Variants in F13A1 observed in about 807,000 individuals in gnomAD.
The protein encoded by F13A1 is coagulation factor XIII A chain.
A neutral mutation model predicts 80.1 loss-of-function variants in F13A1; 47 were observed. The ratio of observed to expected loss-of-function variants is 0.59; its 90% CI spans 0.46 to 0.75. The LOEUF (loss-of-function observed/expected upper bound fraction) is 0.75, where lower values mean the gene tolerates loss of function less well. Among genes scored for constraint, F13A1 ranks in the 30% least tolerant of loss-of-function variants. The probability of loss-of-function intolerance (pLI) is 0.00; values close to 1 mark genes in which losing one functional copy is unlikely to be tolerated. For synonymous variants in F13A1, 349 were observed against 344.9 expected, an observed-to-expected ratio of 1.01 and a Z score of -0.13; for missense variants, 817 against 930.4, an observed-to-expected ratio of 0.88 and a Z score of 1.59.
At chr6:6,206,117 G>A (rs185959143) in intron 8 of F13A1, among the ~76,000 whole-genome samples, 97 of 152,252 alleles carry the variant, frequency 6.4e-4, no homozygotes, top group Middle Eastern at 3.4e-3. Context: ...TTATTGAAAA[G>A]GGTTAAAAGA....
chr6:6,195,823 A>G lies in F13A1; in HGVS notation c.1279T>C (p.Phe427Leu), dbSNP rs1263527621. The G allele has an allele frequency of 1.2e-6, 2 of 1,614,048 alleles. No individual in the cohort carries two copies. Among genetic ancestry groups the G allele is most frequent in the Non-Finnish European group, 1.7e-6 (2 of 1,180,018 alleles). ...AIKHGHVCFQ[F>L]DAPFVFAEVN... ...TCTGCAAAAACAAAAGGTGCATCAA[A>G]TTGGAAGCAGACATGGCCGTGCTTG... is the stretch of plus-strand genomic sequence containing the variant. The change falls in exon 10 of 15, where the codon TTT (phenylalanine) becomes CTT (leucine). Residue 427 changes from phenylalanine (F) to leucine (L), a missense_variant. By Grantham distance (22) the Phe-to-Leu change is conservative. Coordinates refer to ENST00000264870, the MANE Select transcript of F13A1 (RefSeq NM_000129.4).
intron 8 of F13A1, 25 bp from the exon 9 acceptor site, chr6:6,197,351 G>A (rs368366068): frequency 6.2e-7 from 1 of 1,603,258 alleles, no homozygotes; most frequent in Non-Finnish European, 8.5e-7. Context: ...GCCCAGAAAG[G>A]TTAAACTTCC....
At chr6:6,286,068 T>C (rs1055508087) in intron 3 of F13A1, among the ~76,000 whole-genome samples, 1 of 151,998 alleles carries the variant, frequency 6.6e-6, no homozygotes, top group African/African-American at 2.4e-5. Context: ...ATCACAGGAG[T>C]AGGGACGCAA....
intron 8 of F13A1, among the ~76,000 whole-genome samples, chr6:6,210,480 GACTACA>G (rs1187568825): frequency 8.4e-5 from 2 of 23,806 alleles, no homozygotes; most frequent in East Asian, 2.9e-3. Flanking sequence ...GAGTAGCTGG[GACTACA>G]GGCACCTGCC....
At chr6:6,151,173 C>A (rs778755529) in intron 14 of F13A1, among the ~76,000 whole-genome samples, 1 of 152,066 alleles carries the variant, frequency 6.6e-6, no homozygotes, top group Non-Finnish European at 1.5e-5. Flanking sequence ...TTTGAAGTGG[C>A]CTGTGTGTGG....
intron 2 of F13A1, among the ~76,000 whole-genome samples, chr6:6,306,583 C>A (rs1758515603): frequency 6.6e-6 from 1 of 152,214 alleles, no homozygotes; most frequent in South Asian, 2.1e-4. Context: ...TCCCTGTCCT[C>A]ACTGTACTTT....
chr6:6,311,249 C>G (rs1039647393), intron 2 of F13A1, among the ~76,000 whole-genome samples: 1 of 152,100 alleles, frequency 6.6e-6, no homozygotes, highest in African/African-American at 2.4e-5. Context: ...TAGAGTTGAT[C>G]ATTCATTTCA....
chr6:6,293,106 T>C (rs1758246404), intron 3 of F13A1, among the ~76,000 whole-genome samples: 1 of 152,050 alleles, frequency 6.6e-6, no homozygotes. Context: ...GAGGGAAAGG[T>C]CAGGAGAATC....
chr6:6,195,734 T>C, intron 10 of F13A1, 63 bp downstream of exon 10: 1 of 1,458,994 alleles, frequency 6.9e-7, no homozygotes, highest in African/African-American at 1.4e-5. Flanking sequence ...ACTTTTAGCT[T>C]ACTCTTTCAT....
intron 3 of F13A1, among the ~76,000 whole-genome samples, chr6:6,300,596 T>C (rs1333637013): frequency 6.6e-6 from 1 of 152,148 alleles, no homozygotes; most frequent in South Asian, 2.1e-4. Flanking sequence ...TCGCCCTGCT[T>C]CGGCTCGCGC....
At position 6,305,547 on chromosome 6, in the gene F13A1, C is replaced by T. The variant is rs2113184353; in HGVS notation, c.131-8G>A. On this transcript the variant is annotated splice_polypyrimidine_tract_variant and splice_region_variant and intron_variant, in intron 2 of 14. Coordinates refer to ENST00000264870, the MANE Select transcript of F13A1 (RefSeq NM_000129.4). ...TCGTGACATTAAGAAACTCTATGAA[C>T]AAGAAAAACAAGGGTTGAAGAAAAT... is the stretch of plus-strand genomic sequence containing the variant. 1.9e-6 allele frequency: 3 copies of T among 1,613,748 alleles called. No homozygotes were observed. In the East Asian group the frequency reaches 6.7e-5, roughly 36 times the overall value.
intron 10 of F13A1, among the ~76,000 whole-genome samples, chr6:6,195,079 G>A (rs1234432748): frequency 6.6e-6 from 1 of 152,206 alleles, no homozygotes; most frequent in Non-Finnish European, 1.5e-5. Context: ...TCCTAGGCCG[G>A]CAGCCCAGCC....
At chr6:6,305,003 A>G in intron 3 of F13A1, 2 of 381,002 alleles carry the variant, frequency 5.2e-6, no homozygotes, top group South Asian at 4.6e-5. Flanking sequence ...GCATGCTAAG[A>G]TTTACAAACA....
chr6:6,320,619 G>A lies in F13A1; in HGVS notation c.-51C>T, dbSNP rs1333925580. ...CGCTCCCCTCCAGAGGTGCCCTCGC[G>A]TGGGCTTGCTCTGTGCGCCTCGGGG... On this transcript the variant is annotated 5_prime_UTR_variant, in exon 1 of 15. It adds an upstream start codon to the 5' untranslated region. Transcript: ENST00000264870. The A allele has an allele frequency of 2.1e-6, 1 of 470,234 alleles. No homozygotes were observed. Among genetic ancestry groups the A allele is most frequent in the Non-Finnish European group, 4.4e-6 (1 of 226,582 alleles). 29.1% of individuals were successfully genotyped at this position (470,234 alleles called of 1,614,324 possible).
At chr6:6,205,151 A>G (rs1461117485) in intron 8 of F13A1, among the ~76,000 whole-genome samples, 2 of 152,248 alleles carry the variant, frequency 1.3e-5, no homozygotes, top group African/African-American at 2.4e-5. Context: ...GTTTATTCTT[A>G]CTTGTCCTGT....
intron 3 of F13A1, among the ~76,000 whole-genome samples, chr6:6,294,583 C>A (rs1423187257): frequency 6.6e-6 from 1 of 151,924 alleles, no homozygotes; most frequent in Non-Finnish European, 1.5e-5. Flanking sequence ...AACACACACA[C>A]ACACATATAT....
rs1242033900 is a variant in F13A1 at position 6,185,391 on chromosome 6, T to TTTGGTTC, written c.1306-3257_1306-3251dup. Reference sequence around the variant, plus strand: ...GAGTGAGAATATGCGGTGTTTGGTTTTTGGTTCTTGAGATAGTTTACTGAG... The same window carrying TTTGGTTC: ...GAGTGAGAATATGCGGTGTTTGGTTTTTGGTTCTTGGTTCTTGAGATAGTTTACTGAG... On this transcript the variant is annotated intron_variant, in intron 10 of 14. Coordinates refer to ENST00000264870, the MANE Select transcript of F13A1 (RefSeq NM_000129.4). Among the ~76,000 whole-genome samples the TTTGGTTC allele has an allele frequency of 1.4e-5, 2 of 145,892 alleles. 1 individual carries two copies. The highest frequency in any genetic ancestry group is 4.9e-5 in the African/African-American group (2 of 40,468).
chr6:6,270,266 TAAG>T (rs1388189884), intron 3 of F13A1, among the ~76,000 whole-genome samples: 2 of 152,272 alleles, frequency 1.3e-5, no homozygotes, highest in East Asian at 3.9e-4. Context: ...CACTTGAGCC[TAAG>T]AAGAAAATAC....
chr6:6,167,692 C>A, intron 12 of F13A1, 74 bp from the exon 13 acceptor site: 2 of 1,538,424 alleles, frequency 1.3e-6, no homozygotes, highest in Non-Finnish European at 1.8e-6. Context: ...CTCCAAGTTT[C>A]CCTACCCCTC....
Sources: gnomAD v4.1 joint callset for allele counts (sites outside exome capture counted in the v4.1 genomes callset) on GRCh38, gnomAD v4.1.1 for gene constraint, MANE v1.5 for transcripts, NCBI Gene and HGNC (gene_info 2026-07-23, HGNC 2026-07-21) for gene names.